Variants in CHCHD3 observed in about 807,000 individuals in gnomAD.
CHCHD3 encodes coiled-coil-helix-coiled-coil-helix domain containing 3.
Under a neutral mutation model 38.2 loss-of-function variants are expected in CHCHD3, and 20 were observed. That is an observed-to-expected ratio of 0.52 (90% CI 0.37 to 0.76). The LOEUF (loss-of-function observed/expected upper bound fraction) is 0.76. Among genes scored for constraint, CHCHD3 ranks in the 30% least tolerant of loss-of-function variants. The probability of loss-of-function intolerance (pLI) is 0.00; values close to 1 mark genes in which losing one functional copy is unlikely to be tolerated. For synonymous variants in CHCHD3, 82 were observed against 100.0 expected (o/e 0.82, Z 1.07); for missense variants, 245 against 279.2 (o/e 0.88, Z 0.87).
chr7:132,941,629 A>C (rs973143548), intron 4 of CHCHD3, among the ~76,000 whole-genome samples: 1 of 152,194 alleles, frequency 6.6e-6, no homozygotes, highest in Non-Finnish European at 1.5e-5. Context: ...AAAAATGAGG[A>C]ACACAATACC....
intron 5 of CHCHD3, among the ~76,000 whole-genome samples, chr7:132,861,865 C>G (rs1232958486): frequency 6.6e-6 from 1 of 152,088 alleles, no homozygotes; most frequent in Non-Finnish European, 1.5e-5. Context: ...TTGCTGATGC[C>G]TGGTCTATCC....
At position 132,851,512 on chromosome 7, in the gene CHCHD3, C is replaced by G. The variant is rs190299649; in HGVS notation, c.454-13043G>C. ...GATAAAGCAGTATCAGTCATCCACA[C>G]TCACCTTTTGGACTTCTATATTACA... On this transcript the variant is annotated intron_variant, in intron 5 of 7. Coordinates refer to ENST00000262570, the MANE Select transcript of CHCHD3 (RefSeq NM_017812.4). 2.0e-4 allele frequency among the ~76,000 whole-genome samples: 30 copies of G among 152,316 alleles called. No homozygotes were observed. The East Asian group carries it at 5.6e-3, about 28-fold the overall frequency.
intron 3 of CHCHD3, among the ~76,000 whole-genome samples, chr7:132,986,100 T>C (rs1812111853): frequency 2.7e-5 from 4 of 150,146 alleles, no homozygotes; most frequent in Non-Finnish European, 5.9e-5. Context: ...ATCTGTGACC[T>C]TACCCCCAAC....
intron 4 of CHCHD3, among the ~76,000 whole-genome samples, chr7:132,947,152 T>A (rs1810921158): frequency 6.6e-6 from 1 of 152,014 alleles, no homozygotes; most frequent in Admixed American, 6.6e-5. Flanking sequence ...ATAAAATAAC[T>A]TTCTTATAAT....
rs1394634340 is a variant in CHCHD3, at chr7:133,031,461, CT to C, written c.170-6835del. Among the ~76,000 whole-genome samples, 3 of 152,078 alleles carry C rather than the reference CT, an allele frequency of 2.0e-5. No individual in the cohort carries two copies. In the East Asian group the frequency reaches 5.8e-4, roughly 29 times the overall value. ...GAACCTCAAGGAACATACTAATTTC[CT>C]TTGTAACTTTTCCCACTTGTAATTC... On this transcript the variant is annotated intron_variant, in intron 2 of 7. Coordinates refer to ENST00000262570, the MANE Select transcript of CHCHD3 (RefSeq NM_017812.4).
intron 2 of CHCHD3, among the ~76,000 whole-genome samples, chr7:133,039,776 C>T (rs999097854): frequency 6.6e-6 from 1 of 152,216 alleles, no homozygotes; most frequent in African/African-American, 2.4e-5. Context: ...GAGCACATGG[C>T]TGGTCAGAAG....
Position 132,885,651 on chromosome 7 carries a change from AATAGTC to A in CHCHD3, c.453+5_453+10del. 6.3e-7 allele frequency: 1 copy of A among 1,583,024 alleles called. No individual in the cohort carries two copies. The highest frequency in any genetic ancestry group is 8.6e-7 in the Non-Finnish European group (1 of 1,166,422). On this transcript the variant is annotated splice_donor_5th_base_variant and intron_variant, in intron 5 of 7. Transcript: ENST00000262570. Reference sequence around the variant, plus strand: ...TGTGGTAATAGAATCAATGATAAAAAATAGTCATACCCTCTCCTCCAGTCTAGCCAG... The same window carrying A: ...TGTGGTAATAGAATCAATGATAAAAAATACCCTCTCCTCCAGTCTAGCCAG...
At chr7:132,809,916 C>T (rs764233145) in intron 6 of CHCHD3, among the ~76,000 whole-genome samples, 3 of 152,148 alleles carry the variant, frequency 2.0e-5, no homozygotes, top group Non-Finnish European at 2.9e-5. Flanking sequence ...AAAAAAAGTG[C>T]TCAAACAACA....
chr7:132,822,769 G>A (rs971929645), intron 6 of CHCHD3, among the ~76,000 whole-genome samples: 1 of 152,106 alleles, frequency 6.6e-6, no homozygotes, highest in East Asian at 1.9e-4. Context: ...GTATGAGTTT[G>A]TTTCGCTGCA....
At chr7:132,875,346 T>C (rs532172049) in intron 5 of CHCHD3, among the ~76,000 whole-genome samples, 105 of 152,328 alleles carry the variant, frequency 6.9e-4, no homozygotes, top group African/African-American at 2.4e-3. Context: ...CCAAGGTTTA[T>C]TATGTGCCAG....
intron 2 of CHCHD3, among the ~76,000 whole-genome samples, chr7:133,061,232 A>C (rs1262492588): frequency 6.6e-6 from 1 of 152,146 alleles, no homozygotes; most frequent in Non-Finnish European, 1.5e-5. Context: ...CAGTGAGAAT[A>C]GACCGGGGAA....
intron 5 of CHCHD3, among the ~76,000 whole-genome samples, chr7:132,883,848 ACAAT>A (rs1809137943): frequency 6.6e-6 from 1 of 152,136 alleles, no homozygotes; most frequent in Non-Finnish European, 1.5e-5. Flanking sequence ...TAACATATCC[ACAAT>A]CAAACTCCTG....
intron 4 of CHCHD3, among the ~76,000 whole-genome samples, chr7:132,909,393 A>T (rs1585627899): frequency 6.6e-6 from 1 of 152,240 alleles, no homozygotes; most frequent in African/African-American, 2.4e-5. Context: ...TGGGAGGCTG[A>T]GGCAGGAGAA....
intron 3 of CHCHD3, among the ~76,000 whole-genome samples, chr7:133,000,526 G>T (rs939155992): frequency 6.6e-6 from 1 of 152,070 alleles, no homozygotes; most frequent in Non-Finnish European, 1.5e-5. Flanking sequence ...ATTAATGATG[G>T]TTACCATTGG....
Position 132,874,721 on chromosome 7 carries a change from G to A in CHCHD3, c.453+10941C>T, listed in dbSNP as rs1281457395. Among the ~76,000 whole-genome samples the A allele has an allele frequency of 2.0e-5, 3 of 152,090 alleles. No homozygotes were observed. The East Asian group carries it at 5.8e-4, about 29-fold the overall frequency. ...TCAAGGAGAAACCCCACTACCCATT[G>A]CTCCCAATTCTGAGGAGGTTGGAAT... On this transcript the variant is annotated intron_variant, in intron 5 of 7. Coordinates refer to ENST00000262570, the MANE Select transcript of CHCHD3 (RefSeq NM_017812.4).
intron 3 of CHCHD3, among the ~76,000 whole-genome samples, chr7:133,004,907 G>A (rs765433441): frequency 2.6e-5 from 4 of 151,960 alleles, no homozygotes; most frequent in Non-Finnish European, 2.9e-5. Flanking sequence ...TAATGAGGGA[G>A]TTTATTCCAA....
chr7:132,911,845 T>G (rs1463228027), intron 4 of CHCHD3, among the ~76,000 whole-genome samples: 1 of 152,234 alleles, frequency 6.6e-6, no homozygotes. Flanking sequence ...GTGAGATCAC[T>G]AAATATAAAC....
intron 6 of CHCHD3, among the ~76,000 whole-genome samples, chr7:132,837,603 G>A (rs2117094224): frequency 6.6e-6 from 1 of 152,318 alleles, no homozygotes; most frequent in Admixed American, 6.5e-5. Context: ...CCACCTTAGG[G>A]TTTAATCATT....
At chr7:133,027,381 GAGAGAA>G (rs1183176439) in intron 2 of CHCHD3, among the ~76,000 whole-genome samples, 18 of 129,390 alleles carry the variant, frequency 1.4e-4, no homozygotes, top group African/African-American at 5.2e-4. Flanking sequence ...GAGAGAGAGA[GAGAGAA>G]AGAGAGAGAG....
Sources: gnomAD v4.1 joint callset for allele counts (sites outside exome capture counted in the v4.1 genomes callset) on GRCh38, gnomAD v4.1.1 for gene constraint, MANE v1.5 for transcripts, NCBI Gene and HGNC (gene_info 2026-07-23, HGNC 2026-07-21) for gene names.